The following CYFIP2 variants were observed in gnomAD, a reference collection of about 807,000 sequenced individuals.
CYFIP2 encodes the protein cytoplasmic FMR1-interacting protein 2.
CYFIP2 carries 29 observed loss-of-function variants against 158.7 expected under a neutral mutation model. The observed-to-expected ratio is 0.18, with a 90% confidence interval of 0.14 to 0.25. The LOEUF (loss-of-function observed/expected upper bound fraction) is 0.25, where lower values mean the gene tolerates loss of function less well. CYFIP2 is among the 10% of genes least tolerant of loss of function. The probability of loss-of-function intolerance (pLI) is 1.00; values close to 1 mark genes in which losing one functional copy is unlikely to be tolerated. For missense variants in CYFIP2, 852 were observed against 1,639.5 expected (o/e 0.52, Z 8.29); for synonymous variants, 585 against 617.6 (o/e 0.95, Z 0.78).
intron 26 of CYFIP2, among the ~76,000 whole-genome samples, chr5:157,362,076 C>T (rs1257605548): frequency 6.6e-6 from 1 of 152,232 alleles, no homozygotes; most frequent in Admixed American, 6.5e-5. Context: ...CCCAAAGGGG[C>T]AGGCTATCGT....
intron 22 of CYFIP2, among the ~76,000 whole-genome samples, chr5:157,339,511 G>A (rs1762091403): frequency 6.6e-6 from 1 of 152,348 alleles, no homozygotes; most frequent in East Asian, 1.9e-4. Flanking sequence ...GCCCATTGGG[G>A]TGTTTTCCTG....
rs1243270992 is a variant in CYFIP2 at position 157,394,993 on chromosome 5, CT to C, written c.*1994del. ...CTGGCTCTCTGTAGCTGATAGATGG[CT>C]AGAGTTCCATCCAAATCCTTGACCA... On this transcript the variant is annotated 3_prime_UTR_variant, in exon 31 of 31. Coordinates refer to ENST00000620254, the MANE Select transcript of CYFIP2 (RefSeq NM_001037333.3). The C allele has an allele frequency of 1.3e-5, 2 of 153,254 alleles. No individual in the cohort carries two copies. Among genetic ancestry groups the C allele is most frequent in the Non-Finnish European group, 2.9e-5 (2 of 68,900 alleles). The allele number at this position is 153,254 out of a possible 1,614,324, so 9.5% of individuals were successfully genotyped here. A position where few individuals can be genotyped will look rare whatever the true frequency, so the allele number is the denominator to read the frequency against.
intron 21 of CYFIP2, among the ~76,000 whole-genome samples, chr5:157,335,806 A>AT (rs950102136): frequency 1.8e-4 from 27 of 150,888 alleles, no homozygotes; most frequent in Admixed American, 4.6e-4. Context: ...AAGTGGCGGG[A>AT]TTTTTTTTTC....
rs761941606 is a variant in CYFIP2 at position 157,330,763 on chromosome 5, T to C, written c.2178T>C (p.Phe726=). ...GCAGTGTCCTGTTGGATAAACGTTT[T>C]CGAGCTGAGTGTAAGAATTATGGCG... is the stretch of plus-strand genomic sequence containing the variant. ...MAGSVLLDKR[F]RAECKNYGVI... The change falls in exon 20 of 31, where the codon TTT becomes TTC. Residue 726 remains phenylalanine, a synonymous_variant. Coordinates refer to ENST00000620254, the MANE Select transcript of CYFIP2 (RefSeq NM_001037333.3). 5 of 1,613,932 alleles carry C rather than the reference T, an allele frequency of 3.1e-6. No individual in the cohort carries two copies. In the Admixed American group the frequency reaches 6.7e-5, roughly 22 times the overall value.
intron 7 of CYFIP2, among the ~76,000 whole-genome samples, chr5:157,303,637 T>C (rs1030819993): frequency 2.0e-5 from 3 of 152,204 alleles, no homozygotes; most frequent in Non-Finnish European, 4.4e-5. Context: ...AGCTGTTCAG[T>C]AACTGAGGCC....
chr5:157,382,756 G>T (rs1317246578), intron 27 of CYFIP2, 94 bp downstream of exon 27: 2 of 1,305,008 alleles, frequency 1.5e-6, no homozygotes, highest in Non-Finnish European at 2.2e-6. Context: ...GTCAGCAAGG[G>T]GGAAGGTTAA....
Position 157,339,179 on chromosome 5 carries a change from C to T in CYFIP2, c.2508C>T (p.Gly836=). The T allele has an allele frequency of 6.2e-7, 1 of 1,614,024 alleles. No individual in the cohort carries two copies. The highest frequency in any genetic ancestry group is 8.5e-7 in the Non-Finnish European group (1 of 1,179,896). Residue 836 remains glycine, a synonymous_variant, in exon 22 of 31, where the codon GGC becomes GGT. Coordinates refer to ENST00000620254, the MANE Select transcript of CYFIP2 (RefSeq NM_001037333.3). ...EANHNVSAPY[G]RITLHVFWEL... Reference sequence around the variant, plus strand: ...ATCACAATGTGTCCGCCCCCTATGGCCGTATCACCCTGCATGTCTTCTGGG... The same window carrying T: ...ATCACAATGTGTCCGCCCCCTATGGTCGTATCACCCTGCATGTCTTCTGGG...
At chr5:157,372,618 A>T (rs934551904) in intron 26 of CYFIP2, among the ~76,000 whole-genome samples, 1 of 152,208 alleles carries the variant, frequency 6.6e-6, no homozygotes, top group East Asian at 1.9e-4. Flanking sequence ...TATTCTTGGT[A>T]ACATATATCC....
intron 26 of CYFIP2, among the ~76,000 whole-genome samples, chr5:157,375,352 T>G (rs983573639): frequency 2.0e-5 from 3 of 152,204 alleles, no homozygotes; most frequent in Non-Finnish European, 4.4e-5. Flanking sequence ...ACTGGTGTCA[T>G]TAAGTCTGGA....
chr5:157,332,449 C>T (rs1034275289), intron 20 of CYFIP2, among the ~76,000 whole-genome samples: 1 of 152,274 alleles, frequency 6.6e-6, no homozygotes, highest in East Asian at 1.9e-4. Context: ...TGACATTTCA[C>T]CCCTGAATGC....
chr5:157,367,249 G>T (rs1581157704), intron 26 of CYFIP2, among the ~76,000 whole-genome samples: 1 of 152,156 alleles, frequency 6.6e-6, no homozygotes, highest in Non-Finnish European at 1.5e-5. Flanking sequence ...CTTTTAGGGG[G>T]TTGCCCTGGA....
At chr5:157,343,082 A>G (rs1277256904) in intron 23 of CYFIP2, 4 of 1,614,042 alleles carry the variant, frequency 2.5e-6, no homozygotes, top group East Asian at 4.5e-5. Flanking sequence ...GGCCTCCTCC[A>G]TGTGGCCAGC....
In CYFIP2 at chr5:157,304,363, C is replaced by T. The variant is rs1255170447; in HGVS notation, c.792C>T (p.Leu264=). Residue 264 remains leucine, a synonymous_variant, in exon 8 of 31, where the codon CTC becomes CTT. Coordinates refer to ENST00000620254, the MANE Select transcript of CYFIP2 (RefSeq NM_001037333.3). ...CTCCCAGTGAGAAACATATGCTCCTCAAGGTAAAACTCCCCTGAGGCCGCA... is the reference window on the plus strand; with the variant it reads ...CTCCCAGTGAGAAACATATGCTCCTTAAGGTAAAACTCCCCTGAGGCCGCA... ...YLTPSEKHML[L]KVMGFGLYLM... 9.9e-6 allele frequency: 16 copies of T among 1,613,008 alleles called. No homozygotes were observed. Among genetic ancestry groups the T allele is most frequent in the Non-Finnish European group, 1.3e-5 (15 of 1,179,298 alleles).
At chr5:157,302,596 A>G (rs1013059744) in intron 6 of CYFIP2, among the ~76,000 whole-genome samples, 198 bp from the exon 7 acceptor site, 2 of 152,286 alleles carry the variant, frequency 1.3e-5, no homozygotes, top group Middle Eastern at 3.4e-3. Flanking sequence ...CCCTTATTAC[A>G]AGGGTGTAGA....
chr5:157,298,177 T>A (rs1327919457), intron 5 of CYFIP2, among the ~76,000 whole-genome samples: 4 of 152,216 alleles, frequency 2.6e-5, no homozygotes, highest in Non-Finnish European at 4.4e-5. Flanking sequence ...TAGCCTCTTT[T>A]TGTTGTTGCT....
chr5:157,314,697 C>G (rs1760000177), intron 12 of CYFIP2, among the ~76,000 whole-genome samples: 1 of 152,174 alleles, frequency 6.6e-6, no homozygotes, highest in Non-Finnish European at 1.5e-5. Context: ...GTGTTATCTC[C>G]CCTCCCATCT....
chr5:157,382,665 A>G lies in CYFIP2; in HGVS notation c.3112+3A>G. 6.2e-7 allele frequency: 1 copy of G among 1,613,822 alleles called. No individual in the cohort carries two copies. The highest frequency in any genetic ancestry group is 8.5e-7 in the Non-Finnish European group (1 of 1,179,812). On this transcript the variant is annotated splice_donor_region_variant and intron_variant, in intron 27 of 30. Coordinates refer to ENST00000620254, the MANE Select transcript of CYFIP2 (RefSeq NM_001037333.3). ...CTTGCCTAGAGTCTACATCAAAGGT[A>G]AGAAACCACTACAGCAGCTGAATAG... is the stretch of plus-strand genomic sequence containing the variant.
intron 28 of CYFIP2, among the ~76,000 whole-genome samples, chr5:157,385,132 A>G (rs1300514706): frequency 6.6e-6 from 1 of 152,150 alleles, no homozygotes; most frequent in Non-Finnish European, 1.5e-5. Flanking sequence ...TGTCTGCTCC[A>G]CTGCTGCTGT....
chr5:157,287,749 C>T (rs1242229515), intron 3 of CYFIP2, among the ~76,000 whole-genome samples: 5 of 152,064 alleles, frequency 3.3e-5, no homozygotes, highest in Non-Finnish European at 5.9e-5. Flanking sequence ...TGTCTTAGCT[C>T]GTTTTGTGAT....
Sources: allele counts gnomAD v4.1 joint callset (sites outside exome capture counted in the v4.1 genomes callset), GRCh38; gene constraint gnomAD v4.1.1; transcripts MANE v1.5; gene names NCBI Gene and HGNC (gene_info 2026-07-23, HGNC 2026-07-21).